Variants in MRPS5 observed in about 807,000 individuals in gnomAD.
MRPS5 encodes mitochondrial ribosomal protein S5, also known as small ribosomal subunit protein uS5m.
In MRPS5, 27 loss-of-function variants were observed where a neutral mutation model predicts 51.9. The ratio of observed to expected loss-of-function variants is 0.52; its 90% CI spans 0.38 to 0.72. The LOEUF (loss-of-function observed/expected upper bound fraction) is 0.72, where lower values mean the gene tolerates loss of function less well. MRPS5 is among the 30% of genes least tolerant of loss of function. The probability of loss-of-function intolerance (pLI) is 0.00; values close to 1 mark genes in which losing one functional copy is unlikely to be tolerated. For missense variants in MRPS5, 570 were observed against 545.7 expected, an observed-to-expected ratio of 1.04 and a Z score of -0.44; for synonymous variants, 196 against 193.2, an observed-to-expected ratio of 1.01 and a Z score of -0.12.
chr2:95,104,850 A>G (rs1675904894), intron 6 of MRPS5, 120 bp from the exon 7 acceptor site: 2 of 758,996 alleles, frequency 2.6e-6, no homozygotes, highest in Non-Finnish European at 4.3e-6. Flanking sequence ...GAACAGGCAC[A>G]CCATCCTCCA....
At position 95,087,335 on chromosome 2, in the gene MRPS5, T is replaced by C. The variant is rs777015932; in HGVS notation, c.*22A>G. ...CCTAGGTGCAGGGCAGCACAGGAAC[T>C]GGCTGCACAAGGCCAGAGAGGTTAC... On this transcript the variant is annotated 3_prime_UTR_variant, in exon 12 of 12. Transcript: ENST00000272418. The C allele has an allele frequency of 1.3e-6, 2 of 1,594,552 alleles. No homozygotes were observed. The highest frequency in any genetic ancestry group is 1.1e-5 in the South Asian group (1 of 90,638).
chr2:95,089,833 T>C (rs1481243014), intron 11 of MRPS5, among the ~76,000 whole-genome samples: 2 of 152,222 alleles, frequency 1.3e-5, no homozygotes, highest in East Asian at 3.9e-4. Flanking sequence ...TAGATTGTAA[T>C]TATTGGCTTT....
intron 1 of MRPS5, 22 bp from the exon 2 acceptor site, chr2:95,117,967 A>T (rs750600607): frequency 4.3e-5 from 67 of 1,543,702 alleles, no homozygotes; most frequent in Non-Finnish European, 2.4e-5. Flanking sequence ...AAAAAAAAAA[A>T]TTTAAGATAC....
upstream of MRPS5, chr2:95,121,923 C>T: frequency 1.8e-6 from 2 of 1,081,866 alleles, no homozygotes; most frequent in Non-Finnish European, 1.3e-6. Flanking sequence ...CGCAGCAGCG[C>T]AGGCCGGGGT....
chr2:95,115,698 C>T (rs186488963), intron 2 of MRPS5, among the ~76,000 whole-genome samples: 5 of 152,270 alleles, frequency 3.3e-5, no homozygotes, highest in East Asian at 1.9e-4. Context: ...CTGGAAACAA[C>T]GGTTGCCTCT....
At chr2:95,115,798 T>C (rs1460224308) in intron 2 of MRPS5, among the ~76,000 whole-genome samples, 1 of 152,214 alleles carries the variant, frequency 6.6e-6, no homozygotes, top group African/African-American at 2.4e-5. Context: ...AATAAAAAAG[T>C]AGACAGGAAA....
At chr2:95,121,849 C>T, upstream of MRPS5, 1 of 1,479,592 alleles carries the variant, frequency 6.8e-7, no homozygotes, top group Non-Finnish European at 9.0e-7. Flanking sequence ...CACCGCCTAC[C>T]GCGACTGCTC....
chr2:95,098,796 C>A (rs1433206651), intron 10 of MRPS5, among the ~76,000 whole-genome samples: 3 of 151,788 alleles, frequency 2.0e-5, no homozygotes, highest in African/African-American at 7.3e-5. Context: ...ATGTAACAAA[C>A]CTGCACATTG....
intron 7 of MRPS5, chr2:95,104,404 T>C: frequency 3.7e-6 from 2 of 535,546 alleles, no homozygotes; most frequent in East Asian, 6.6e-5. Context: ...TCTTCAGCCT[T>C]TTATAATATT....
upstream of MRPS5, chr2:95,121,872 C>A: frequency 1.4e-6 from 2 of 1,437,098 alleles, no homozygotes; most frequent in South Asian, 1.4e-5. Flanking sequence ...CGTCAAACGG[C>A]AAGCCTTGGG....
chr2:95,117,329 G>A (rs1168130684), intron 2 of MRPS5, among the ~76,000 whole-genome samples: 1 of 151,598 alleles, frequency 6.6e-6, no homozygotes, highest in Non-Finnish European at 1.5e-5. Context: ...CCAATCTATT[G>A]CAGCATTTAG....
chr2:95,109,113 C>G (rs1250582079), intron 4 of MRPS5, among the ~76,000 whole-genome samples: 3 of 151,682 alleles, frequency 2.0e-5, no homozygotes, highest in African/African-American at 7.3e-5. Context: ...AAGAAGCATC[C>G]AGGGGGACTT....
intron 2 of MRPS5, among the ~76,000 whole-genome samples, chr2:95,117,201 T>C (rs1013326183): frequency 6.6e-6 from 1 of 151,650 alleles, no homozygotes; most frequent in Non-Finnish European, 1.5e-5. Flanking sequence ...TGTTTCAGCA[T>C]TTATGGTTTT....
In MRPS5 at chr2:95,095,503, G is replaced by T. The variant is rs576123028; in HGVS notation, c.931+4971C>A. Among the ~76,000 whole-genome samples the T allele has an allele frequency of 3.3e-5, 5 of 152,288 alleles. No homozygotes were observed. In the East Asian group the frequency reaches 9.6e-4, roughly 29 times the overall value. ...AAGAGAACAGAAATCACAACTAACT[G>T]TCTGTCAGACCACAGTGCAATCAAA... On this transcript the variant is annotated intron_variant, in intron 10 of 11. Coordinates refer to ENST00000272418, the MANE Select transcript of MRPS5 (RefSeq NM_031902.5).
rs78764375 is a variant in MRPS5, at chr2:95,120,493, T to C, written c.58+1241A>G. On this transcript the variant is annotated intron_variant, in intron 1 of 11. Transcript: ENST00000272418. Reference sequence around the variant, plus strand: ...AAAGGTACAGGTTTTCTTTTTACAGTGATTATAATGTTGGCTGCATTGCTC... The same window carrying C: ...AAAGGTACAGGTTTTCTTTTTACAGCGATTATAATGTTGGCTGCATTGCTC... Among the ~76,000 whole-genome samples, 1,156 of 152,348 alleles carry C rather than the reference T, an allele frequency of 7.6e-3. 7 individuals are homozygous for C. The highest frequency in any genetic ancestry group is 0.024 in the Middle Eastern group (7 of 294).
At chr2:95,097,868 A>T (rs1233643364) in intron 10 of MRPS5, among the ~76,000 whole-genome samples, 2 of 152,226 alleles carry the variant, frequency 1.3e-5, no homozygotes, top group Non-Finnish European at 2.9e-5. Flanking sequence ...TAAACTAAAG[A>T]GCTTCTGCAT....
intron 7 of MRPS5, chr2:95,102,001 A>T (rs768716600): frequency 1.9e-5 from 6 of 310,868 alleles, no homozygotes; most frequent in Non-Finnish European, 3.6e-5. Context: ...TAAGAACAAA[A>T]TTTAAAAAAT....
chr2:95,108,143 C>G (rs375573857), intron 5 of MRPS5, 32 bp downstream of exon 5: 2 of 1,591,032 alleles, frequency 1.3e-6, no homozygotes, highest in East Asian at 2.2e-5. Flanking sequence ...TACTCTCTGT[C>G]ACAAAGGCAA....
chr2:95,106,116 CAT>C (rs549265154), intron 6 of MRPS5, among the ~76,000 whole-genome samples: 60 of 152,290 alleles, frequency 3.9e-4, no homozygotes, highest in Non-Finnish European at 7.5e-4. Flanking sequence ...ATAATTCAAA[CAT>C]AGACTCCCAA....
Sources: allele counts gnomAD v4.1 joint callset (sites outside exome capture counted in the v4.1 genomes callset), GRCh38; gene constraint gnomAD v4.1.1; transcripts MANE v1.5; gene names NCBI Gene and HGNC (gene_info 2026-07-23, HGNC 2026-07-21).